ADGRL2: variants seen among roughly 807,000 people sequenced by gnomAD.
ADGRL2 encodes the protein calcium-independent alpha-latrotoxin receptor 2.
Under a neutral mutation model 157.4 loss-of-function variants are expected in ADGRL2, and 44 were observed. That is an observed-to-expected ratio of 0.28 (90% confidence interval 0.22 to 0.36). The LOEUF (loss-of-function observed/expected upper bound fraction) is 0.36, where lower values mean the gene tolerates loss of function less well. ADGRL2 is among the 10% of genes least tolerant of loss of function. The pLI is 1.00. For synonymous variants in ADGRL2, 585 were observed against 624.7 expected (o/e 0.94, Z 0.95); for missense variants, 1,510 against 1,768.9 (o/e 0.85, Z 2.63).
intron 2 of ADGRL2, among the ~76,000 whole-genome samples, chr1:81,508,487 T>G (rs910930673): frequency 1.3e-5 from 2 of 152,250 alleles, no homozygotes; most frequent in African/African-American, 4.8e-5. Flanking sequence ...TATATGTGAA[T>G]GAGGAGACAA....
chr1:81,839,308 AT>A (rs1330604524), intron 2 of ADGRL2, among the ~76,000 whole-genome samples: 3 of 152,058 alleles, frequency 2.0e-5, no homozygotes, highest in Non-Finnish European at 4.4e-5. Context: ...GAGTGATTAA[AT>A]TGAGCTGCAT....
At chr1:81,915,939 C>A (rs368817567) in intron 3 of ADGRL2, among the ~76,000 whole-genome samples, 1 of 152,216 alleles carries the variant, frequency 6.6e-6, no homozygotes, top group East Asian at 1.9e-4. Context: ...GATGGGATGA[C>A]AATGGTATTT....
At position 81,396,278 on chromosome 1, in the gene ADGRL2, T is replaced by C. The variant is rs2076653327; in HGVS notation, c.-301-48758T>C. On this transcript the variant is annotated intron_variant, in intron 1 of 24. Coordinates refer to the ADGRL2 transcript ENST00000370721. Reference sequence around the variant, plus strand: ...GTAGCTATTGGATATGAGATTGCTTTCTTGATTTCTTTTTTCACTAGTTCA... The same window carrying C: ...GTAGCTATTGGATATGAGATTGCTTCCTTGATTTCTTTTTTCACTAGTTCA... 2.6e-5 allele frequency among the ~76,000 whole-genome samples: 4 copies of C among 152,212 alleles called. No homozygotes were observed. The South Asian group carries it at 8.3e-4, about 32-fold the overall frequency.
At chr1:81,819,578 A>AC (rs974131970) in intron 1 of ADGRL2, among the ~76,000 whole-genome samples, 1 of 151,998 alleles carries the variant, frequency 6.6e-6, no homozygotes, top group Non-Finnish European at 1.5e-5. Flanking sequence ...AGTGATACTA[A>AC]TTTTTTTTAA....
At chr1:81,327,595 T>A (rs377350575) in intron 1 of ADGRL2, among the ~76,000 whole-genome samples, 12 of 152,178 alleles carry the variant, frequency 7.9e-5, no homozygotes, top group African/African-American at 2.9e-4. Flanking sequence ...TACTTTAAAA[T>A]CAATATCCCT....
chr1:81,844,126 T>A (rs1330020676), intron 2 of ADGRL2, among the ~76,000 whole-genome samples: 1 of 152,170 alleles, frequency 6.6e-6, no homozygotes, highest in Non-Finnish European at 1.5e-5. Context: ...TAAATTTGTT[T>A]TTAAATAATA....
At chr1:81,387,219 A>G (rs1357741191) in intron 1 of ADGRL2, among the ~76,000 whole-genome samples, 1 of 152,180 alleles carries the variant, frequency 6.6e-6, no homozygotes, top group Non-Finnish European at 1.5e-5. Flanking sequence ...AAATACCAAT[A>G]TTAATTGTCA....
chr1:81,351,998 C>T (rs1381236387), intron 1 of ADGRL2, among the ~76,000 whole-genome samples: 1 of 152,200 alleles, frequency 6.6e-6, no homozygotes, highest in Non-Finnish European at 1.5e-5. Flanking sequence ...AGATGTCATA[C>T]CGGCATACAC....
chr1:81,914,644 G>T (rs968741382), intron 3 of ADGRL2, among the ~76,000 whole-genome samples: 1 of 152,042 alleles, frequency 6.6e-6, no homozygotes, highest in Admixed American at 6.6e-5. Flanking sequence ...TAACTTGGCC[G>T]CTCCTAACCC....
At chr1:81,339,580 TTTTG>T (rs144048263) in intron 1 of ADGRL2, among the ~76,000 whole-genome samples, 18,748 of 151,966 alleles carry the variant, frequency 0.12, 1,703 homozygotes, top group African/African-American at 0.26. Flanking sequence ...CTTGGGGTTG[TTTTG>T]TTTGTTTGTT....
chr1:81,952,837 T>C, intron 9 of ADGRL2, 150 bp from the exon 10 acceptor site: 1 of 573,252 alleles, frequency 1.7e-6, no homozygotes, highest in Non-Finnish European at 3.2e-6. Flanking sequence ...TAAGCAGTTT[T>C]GGTAGTCAGT....
chr1:81,416,433 G>C (rs2077036260), intron 1 of ADGRL2, among the ~76,000 whole-genome samples: 1 of 151,894 alleles, frequency 6.6e-6, no homozygotes, highest in African/African-American at 2.4e-5. Flanking sequence ...TTATACTTCA[G>C]CTTGTTCCCT....
chr1:81,655,052 CT>C (rs2082499934), intron 3 of ADGRL2, among the ~76,000 whole-genome samples: 1 of 152,146 alleles, frequency 6.6e-6, no homozygotes, highest in African/African-American at 2.4e-5. Context: ...AGGTTCAAGC[CT>C]CGCCCCCCTG....
intron 3 of ADGRL2, among the ~76,000 whole-genome samples, chr1:81,915,748 T>C (rs2094841492): frequency 6.6e-6 from 1 of 152,220 alleles, no homozygotes; most frequent in South Asian, 2.1e-4. Context: ...GTTTTTATTT[T>C]TAGTTTTGAA....
chr1:81,406,584 A>G (rs2076857472), intron 1 of ADGRL2, among the ~76,000 whole-genome samples: 1 of 152,220 alleles, frequency 6.6e-6, no homozygotes, highest in Non-Finnish European at 1.5e-5. Flanking sequence ...TGTTCTTTAA[A>G]TAAAATTGCT....
chr1:81,391,246 G>C (rs1343145465), intron 1 of ADGRL2, among the ~76,000 whole-genome samples: 1 of 152,300 alleles, frequency 6.6e-6, no homozygotes, highest in Admixed American at 6.5e-5. Context: ...GTGACATGTG[G>C]TTTGTGCTTG....
At chr1:81,720,536 T>A (rs2084274462) in intron 1 of ADGRL2, among the ~76,000 whole-genome samples, 1 of 152,122 alleles carries the variant, frequency 6.6e-6, no homozygotes. Flanking sequence ...TTCGTTTTTT[T>A]AAACTGTTTC....
At chr1:81,717,212 G>C (rs1010015854) in intron 1 of ADGRL2, among the ~76,000 whole-genome samples, 1 of 152,176 alleles carries the variant, frequency 6.6e-6, no homozygotes, top group Non-Finnish European at 1.5e-5. Context: ...AGAGCTCCCT[G>C]AGAATGAAGC....
intron 1 of ADGRL2, among the ~76,000 whole-genome samples, chr1:81,833,702 A>G (rs2092103995): frequency 6.6e-6 from 1 of 152,162 alleles, no homozygotes; most frequent in African/African-American, 2.4e-5. Context: ...TAGGCGCGGG[A>G]TATTTAATGC....
Sources: allele counts gnomAD v4.1 joint callset (sites outside exome capture counted in the v4.1 genomes callset), GRCh38; gene constraint gnomAD v4.1.1; transcripts MANE v1.5; gene names NCBI Gene and HGNC (gene_info 2026-07-23, HGNC 2026-07-21).